FBN2: variants seen among roughly 807,000 people sequenced by gnomAD.
The protein encoded by FBN2 is fibrillin-2.
In FBN2, 105 loss-of-function variants were observed where a neutral mutation model predicts 355.6. The ratio of observed to expected loss-of-function variants is 0.30; its 90% confidence interval spans 0.25 to 0.35. FBN2 has a LOEUF of 0.35. FBN2 is among the 10% of genes least tolerant of loss of function. The pLI is 1.00. For synonymous variants in FBN2, 1,350 were observed against 1,301.2 expected (o/e 1.04, Z -0.81); for missense variants, 3,280 against 3,758.7 (o/e 0.87, Z 3.33).
chr5:128,480,376 G>A (rs1529866), intron 5 of FBN2, among the ~76,000 whole-genome samples: 59,480 of 151,480 alleles, frequency 0.39, 13,540 homozygotes, highest in African/African-American at 0.64. Context: ...TGGATTCACA[G>A]CCAGAATTCT....
rs1430671000 is a variant in FBN2 at position 128,315,920 on chromosome 5, GT to G, written c.4717+2228del. On this transcript the variant is annotated intron_variant, in intron 36 of 64. Transcript: ENST00000262464. ...CTAGGATATTGGTCTCTGAAGACAC[GT>G]AGTCTGGGATTGTGCTTAGATGATT... 3.9e-5 allele frequency among the ~76,000 whole-genome samples: 6 copies of G among 152,296 alleles called. No homozygotes were observed. The South Asian group carries it at 6.2e-4, about 16-fold the overall frequency.
intron 5 of FBN2, among the ~76,000 whole-genome samples, chr5:128,504,703 C>G (rs1755907300): frequency 6.6e-6 from 1 of 152,182 alleles, no homozygotes; most frequent in Admixed American, 6.5e-5. Context: ...ATTTTACAGG[C>G]TCCTAGGCAG....
intron 5 of FBN2, among the ~76,000 whole-genome samples, chr5:128,489,110 C>G (rs1755430524): frequency 7.4e-6 from 1 of 134,276 alleles, no homozygotes; most frequent in Admixed American, 7.0e-5. Context: ...AGTTTACAGT[C>G]CCACCAACAG....
intron 5 of FBN2, among the ~76,000 whole-genome samples, chr5:128,482,337 G>A (rs1259122822): frequency 6.6e-6 from 1 of 151,852 alleles, no homozygotes; most frequent in East Asian, 1.9e-4. Context: ...GGCCAAGCAG[G>A]GACTAGCTAG....
intron 11 of FBN2, among the ~76,000 whole-genome samples, chr5:128,383,104 T>A (rs1752276446): frequency 6.6e-6 from 1 of 152,106 alleles, no homozygotes; most frequent in South Asian, 2.1e-4. Flanking sequence ...TAAGAGGGTT[T>A]TCAGACCACG....
chr5:128,397,851 A>G (rs1581263389), intron 8 of FBN2, among the ~76,000 whole-genome samples: 1 of 152,220 alleles, frequency 6.6e-6, no homozygotes, highest in African/African-American at 2.4e-5. Flanking sequence ...GGCATAAGAC[A>G]TAAAAAGCCC....
chr5:128,278,709 A>T lies in FBN2; in HGVS notation c.7271T>A (p.Leu2424His), dbSNP rs770996955. Residue 2424 changes from leucine to histidine, a missense_variant, in exon 57 of 65, where the codon CTT becomes CAT. This residue lies in a region of FBN2 where 2,284 missense variants were observed against 2,749.5 expected (regional missense o/e 0.83). Transcript: ENST00000262464. ...GGRGWGHQCE[L>H]CPLPGTAQYK... is the part of the protein sequence containing the mutation. ...CTGGGCAGTTCCAGGAAGTGGGCAA[A>T]GCTCGCACTGGTGGCCCCAGCCTCG... 1 of 1,614,138 alleles carries T rather than the reference A, an allele frequency of 6.2e-7. No individual in the cohort carries two copies. Among genetic ancestry groups the T allele is most frequent in the South Asian group, 1.1e-5 (1 of 91,080 alleles).
chr5:128,518,812 T>C (rs1308123883), intron 5 of FBN2, among the ~76,000 whole-genome samples: 3 of 152,174 alleles, frequency 2.0e-5, no homozygotes, highest in Admixed American at 2.0e-4. Context: ...GTAAAAGCCT[T>C]GATCACATCC....
At chr5:128,483,974 G>A (rs1755264877) in intron 5 of FBN2, among the ~76,000 whole-genome samples, 1 of 152,170 alleles carries the variant, frequency 6.6e-6, no homozygotes, top group African/African-American at 2.4e-5. Context: ...ATATGTGATG[G>A]AAGTCTATGA....
intron 9 of FBN2, 29 bp downstream of exon 9, chr5:128,395,093 G>T (rs937683194): frequency 6.8e-6 from 11 of 1,612,958 alleles, no homozygotes; most frequent in Non-Finnish European, 9.3e-6. Context: ...CAGTGTCTGT[G>T]CTGAGGAGAC....
intron 20 of FBN2, among the ~76,000 whole-genome samples, chr5:128,354,390 G>A (rs1751446940): frequency 6.6e-6 from 1 of 152,204 alleles, no homozygotes; most frequent in African/African-American, 2.4e-5. Context: ...GGGGAGCACA[G>A]GCTTCGGTTA....
chr5:128,354,729 A>G (rs2126927799), intron 20 of FBN2, among the ~76,000 whole-genome samples: 1 of 152,314 alleles, frequency 6.6e-6, no homozygotes, highest in Middle Eastern at 3.4e-3. Context: ...CAAGGTTTTA[A>G]GGGGTGGCAG....
Position 128,537,737 on chromosome 5 carries a change from C to T in FBN2, c.-134G>A. The T allele has an allele frequency of 1.1e-6, 1 of 882,408 alleles. No homozygotes were observed. The highest frequency in any genetic ancestry group is 1.8e-6 in the Non-Finnish European group (1 of 561,856). 54.7% of individuals were successfully genotyped at this position (882,408 alleles called of 1,614,324 possible). ...CCGGGGACTCCCTCGGGCTCGGGCT[C>T]CCTGCTCTAGCTGGAGACCTCGACA... On this transcript the variant is annotated 5_prime_UTR_variant, in exon 1 of 65. Transcript: ENST00000262464.
At chr5:128,313,560 G>C (rs758445417) in intron 36 of FBN2, among the ~76,000 whole-genome samples, 1 of 151,636 alleles carries the variant, frequency 6.6e-6, no homozygotes, top group Non-Finnish European at 1.5e-5. Context: ...CAGGCCCTAA[G>C]CTTTGACATC....
At position 128,291,572 on chromosome 5, in the gene FBN2, G is replaced by A. The variant is rs765638662; in HGVS notation, c.6249C>T (p.Cys2083=). 4.3e-6 allele frequency: 7 copies of A among 1,613,832 alleles called. No individual in the cohort carries two copies. Among genetic ancestry groups the A allele is most frequent in the Non-Finnish European group, 5.9e-6 (7 of 1,179,746 alleles). Residue 2083 remains cysteine, a synonymous_variant, in exon 49 of 65, where the codon TGC becomes TGT. Transcript: ENST00000262464. ...TNTPGGFQCL[C]PPGFVLSDNG... ...TATCAGATAGTACAAAGCCAGGGGG[G>A]CAGAGGCACTGGAAGCCCCCTGGAG...
chr5:128,303,592 G>A (rs1208149542), intron 45 of FBN2, among the ~76,000 whole-genome samples: 4 of 152,072 alleles, frequency 2.6e-5, no homozygotes, highest in Non-Finnish European at 5.9e-5. Flanking sequence ...CAAAAAAACT[G>A]AATTAAGAAA....
Position 128,376,819 on chromosome 5 carries a change from C to T in FBN2, c.1884G>A (p.Leu628=), listed in dbSNP as rs1237327921. 2 of 1,613,440 alleles carry T rather than the reference C, an allele frequency of 1.2e-6. No homozygotes were observed. ...HDECTTTNMC[L]NGMCINEDGS... ...CATCTTCATTGATGCACATTCCATTCAAACACATGTTGGTAGTTGTACATT... is the reference window on the plus strand; with the variant it reads ...CATCTTCATTGATGCACATTCCATTTAAACACATGTTGGTAGTTGTACATT... The change falls in exon 14 of 65, where the codon TTG becomes TTA. Residue 628 remains leucine, a synonymous_variant. Transcript: ENST00000262464.
intron 5 of FBN2, among the ~76,000 whole-genome samples, chr5:128,500,824 C>A (rs1415556389): frequency 6.6e-6 from 1 of 152,012 alleles, no homozygotes; most frequent in Non-Finnish European, 1.5e-5. Flanking sequence ...GGACTAAAAT[C>A]CCTACCTACC....
At chr5:128,494,651 C>A (rs1467578854) in intron 5 of FBN2, among the ~76,000 whole-genome samples, 2 of 152,174 alleles carry the variant, frequency 1.3e-5, no homozygotes, top group Non-Finnish European at 2.9e-5. Context: ...TAAAAGAGAG[C>A]ACTGTTAAAA....
Sources: gnomAD v4.1 joint callset for allele counts (sites outside exome capture counted in the v4.1 genomes callset) on GRCh38, gnomAD v4.1.1 for gene constraint, gnomAD v4.1.1 regional missense constraint, MANE v1.5 for transcripts, NCBI Gene and HGNC (gene_info 2026-07-23, HGNC 2026-07-21) for gene names.